The following ELP4 variants were observed in gnomAD, a reference collection of about 807,000 sequenced individuals.
ELP4 encodes elongator acetyltransferase complex subunit 4.
Under a neutral mutation model 48.9 loss-of-function variants are expected in ELP4, and 51 were observed. That is an observed-to-expected ratio of 1.04 (90% CI 0.83 to 1.32). The LOEUF (loss-of-function observed/expected upper bound fraction) is 1.32, where lower values mean the gene tolerates loss of function less well. ELP4 is among the 40% of genes most tolerant of loss of function. The pLI is 0.00. For missense variants in ELP4, 519 were observed against 514.6 expected, an observed-to-expected ratio of 1.01 and a Z score of -0.08; for synonymous variants, 210 against 189.2, an observed-to-expected ratio of 1.11 and a Z score of -0.90.
intron 3 of ELP4, among the ~76,000 whole-genome samples, chr11:31,570,090 G>C (rs1266226158): frequency 6.6e-6 from 1 of 152,164 alleles, no homozygotes; most frequent in Non-Finnish European, 1.5e-5. Context: ...ATTCTCAATA[G>C]CAAAGACATG....
intron 9 of ELP4, among the ~76,000 whole-genome samples, chr11:31,772,821 T>A (rs541285905): frequency 1.8e-4 from 27 of 152,282 alleles, no homozygotes; most frequent in Non-Finnish European, 3.5e-4. Flanking sequence ...AAATTATCAA[T>A]CTCTGCCATA....
chr11:31,616,416 T>C (rs556681491), intron 5 of ELP4, among the ~76,000 whole-genome samples: 1 of 152,104 alleles, frequency 6.6e-6, no homozygotes, highest in South Asian at 2.1e-4. Flanking sequence ...TTACATCATA[T>C]GCAAAAATTA....
chr11:31,708,394 A>G (rs2134167618), intron 9 of ELP4, among the ~76,000 whole-genome samples: 1 of 152,304 alleles, frequency 6.6e-6, no homozygotes, highest in Middle Eastern at 3.4e-3. Flanking sequence ...TAATTTTTAA[A>G]GCCAACTCTC....
At chr11:31,643,795 C>A (rs1945146995) in intron 7 of ELP4, among the ~76,000 whole-genome samples, 1 of 151,394 alleles carries the variant, frequency 6.6e-6, no homozygotes, top group Non-Finnish European at 1.5e-5. Context: ...TCTATGAAAC[C>A]AAACAGAGAA....
chr11:31,723,238 T>A (rs1336480851), intron 9 of ELP4, among the ~76,000 whole-genome samples: 4 of 152,074 alleles, frequency 2.6e-5, no homozygotes, highest in Non-Finnish European at 4.4e-5. Flanking sequence ...AGGCTGGGAA[T>A]CCTGTGAGGG....
At chr11:31,613,640 G>A (rs1958021853) in intron 5 of ELP4, among the ~76,000 whole-genome samples, 1 of 151,458 alleles carries the variant, frequency 6.6e-6, no homozygotes, top group African/African-American at 2.4e-5. Context: ...TCTGGGTGGT[G>A]GATTCCGGAT....
chr11:31,686,268 A>G (rs1242395080), intron 9 of ELP4, among the ~76,000 whole-genome samples: 1 of 150,868 alleles, frequency 6.6e-6, no homozygotes, highest in East Asian at 1.9e-4. Context: ...TCCTGAAACT[A>G]ATTTTTATTC....
intron 3 of ELP4, among the ~76,000 whole-genome samples, chr11:31,578,961 C>T (rs1479211183): frequency 1.3e-5 from 2 of 152,218 alleles, no homozygotes; most frequent in African/African-American, 4.8e-5. Context: ...AACTAAAGAG[C>T]TTCTGCACAG....
At chr11:31,629,964 A>G (rs540770085) in intron 6 of ELP4, among the ~76,000 whole-genome samples, 17 of 152,018 alleles carry the variant, frequency 1.1e-4, no homozygotes, top group Non-Finnish European at 2.5e-4. Context: ...GATATCTTAC[A>G]CTAATTCACC....
At chr11:31,626,882 T>G (rs936073019) in intron 5 of ELP4, among the ~76,000 whole-genome samples, 1 of 151,930 alleles carries the variant, frequency 6.6e-6, no homozygotes, top group Non-Finnish European at 1.5e-5. Context: ...CACAGGTTTT[T>G]ATCTTCCTAT....
At chr11:31,646,048 A>C (rs1592187573) in intron 7 of ELP4, 1 of 151,692 alleles carries the variant, frequency 6.6e-6, no homozygotes, top group Non-Finnish European at 1.5e-5. Flanking sequence ...TCTTTGGCTA[A>C]AGAAATATTG....
intron 9 of ELP4, among the ~76,000 whole-genome samples, chr11:31,672,150 A>G (rs998365645): frequency 6.6e-6 from 1 of 152,082 alleles, no homozygotes; most frequent in South Asian, 2.1e-4. Flanking sequence ...CCCTGTAAAG[A>G]CACTCCCTGG....
intron 9 of ELP4, among the ~76,000 whole-genome samples, chr11:31,710,743 C>T (rs1357095767): frequency 6.6e-6 from 1 of 152,076 alleles, no homozygotes; most frequent in Admixed American, 6.6e-5. Context: ...GATACCTCTT[C>T]AGCATACGGA....
intron 9 of ELP4, among the ~76,000 whole-genome samples, chr11:31,699,013 C>A (rs1946467804): frequency 6.6e-6 from 1 of 152,094 alleles, no homozygotes; most frequent in Non-Finnish European, 1.5e-5. Context: ...CACACTCAAG[C>A]ACACACAACA....
intron 9 of ELP4, among the ~76,000 whole-genome samples, chr11:31,766,075 T>C (rs773761323): frequency 1.3e-5 from 2 of 152,104 alleles, no homozygotes; most frequent in Non-Finnish European, 2.9e-5. Flanking sequence ...ATCTATTTTT[T>C]AAAGTCTTTA....
chr11:31,552,889 C>T (rs766227117), intron 3 of ELP4, among the ~76,000 whole-genome samples: 3 of 152,120 alleles, frequency 2.0e-5, no homozygotes, highest in Admixed American at 6.6e-5. Context: ...TGACTTTATT[C>T]TGTTTATATG....
chr11:31,776,188 T>C (rs1948244525), intron 9 of ELP4, among the ~76,000 whole-genome samples: 2 of 148,116 alleles, frequency 1.4e-5, no homozygotes, highest in Admixed American at 1.3e-4. Context: ...GTATGGGATC[T>C]AGAAGCACAT....
chr11:31,547,525 A>G (rs1956752388), intron 3 of ELP4, among the ~76,000 whole-genome samples: 1 of 152,218 alleles, frequency 6.6e-6, no homozygotes, highest in South Asian at 2.1e-4. Flanking sequence ...GTGCAGGACC[A>G]GATGGATTCA....
chr11:31,549,681 T>C (rs1349469859), intron 3 of ELP4, among the ~76,000 whole-genome samples: 3 of 152,194 alleles, frequency 2.0e-5, no homozygotes, highest in African/African-American at 7.2e-5. Flanking sequence ...TAAAGACACA[T>C]GTACACGTAT....
Sources: gnomAD v4.1 joint callset for allele counts (sites outside exome capture counted in the v4.1 genomes callset) on GRCh38, gnomAD v4.1.1 for gene constraint, MANE v1.5 for transcripts, NCBI Gene and HGNC (gene_info 2026-07-23, HGNC 2026-07-21) for gene names.